Variants in LTBP1 observed in about 807,000 individuals in gnomAD.
LTBP1 encodes the protein latent-transforming growth factor beta-binding protein 1.
Under a neutral mutation model 207.6 loss-of-function variants are expected in LTBP1, and 129 were observed. The ratio of observed to expected loss-of-function variants is 0.62; its 90% CI spans 0.54 to 0.72. The LOEUF (loss-of-function observed/expected upper bound fraction) is 0.72, where lower values mean the gene tolerates loss of function less well. LTBP1 is among the 30% of genes least tolerant of loss of function. The probability of loss-of-function intolerance (pLI) is 0.00; values close to 1 mark genes in which losing one functional copy is unlikely to be tolerated. For synonymous variants in LTBP1, 963 were observed against 833.7 expected (o/e 1.16, Z -2.67); for missense variants, 2,281 against 2,217.2 (o/e 1.03, Z -0.58).
chr2:33,234,892 A>C lies in LTBP1; in HGVS notation c.1877-8770A>C, dbSNP rs181632693. On this transcript the variant is annotated intron_variant, in intron 9 of 33. Transcript: ENST00000404816. ...ACCCCTTCCTCACACATTATACAAA[A>C]ATTAACTCAAGATGGATGAAAGACT... Among the ~76,000 whole-genome samples, 7 of 152,302 alleles carry C rather than the reference A, an allele frequency of 4.6e-5. No homozygotes were observed. In the East Asian group the frequency reaches 1.3e-3, roughly 29 times the overall value.
chr2:33,338,495 A>T (rs1031672942), intron 24 of LTBP1, among the ~76,000 whole-genome samples: 1 of 152,164 alleles, frequency 6.6e-6, no homozygotes, highest in African/African-American at 2.4e-5. Context: ...TTTAGTAGGG[A>T]AATAAGTTGC....
At chr2:33,024,461 G>A (rs2075320284) in intron 3 of LTBP1, among the ~76,000 whole-genome samples, 2 of 152,164 alleles carry the variant, frequency 1.3e-5, no homozygotes, top group African/African-American at 4.8e-5. Flanking sequence ...TGCCTGAGAT[G>A]TTTGAGGAAC....
intron 3 of LTBP1, among the ~76,000 whole-genome samples, chr2:33,054,239 A>G (rs1256215195): frequency 6.6e-6 from 1 of 152,198 alleles, no homozygotes; most frequent in East Asian, 1.9e-4. Context: ...TTGTACTCCT[A>G]GAATTGGGGT....
chr2:33,348,346 C>T (rs914309551), intron 26 of LTBP1, among the ~76,000 whole-genome samples: 1 of 152,166 alleles, frequency 6.6e-6, no homozygotes, highest in Non-Finnish European at 1.5e-5. Context: ...TTTTCACCCA[C>T]ACATATTTCC....
chr2:33,015,775 C>G (rs1409017978), intron 2 of LTBP1, among the ~76,000 whole-genome samples: 1 of 152,100 alleles, frequency 6.6e-6, no homozygotes, highest in African/African-American at 2.4e-5. Context: ...TCTGGGGAGG[C>G]CTCGGGAAAC....
chr2:32,965,467 G>A (rs542450919), intron 2 of LTBP1, among the ~76,000 whole-genome samples: 1 of 152,206 alleles, frequency 6.6e-6, no homozygotes, highest in South Asian at 2.1e-4. Context: ...AATCCTCTGT[G>A]CCCTGCCTAC....
intron 23 of LTBP1, among the ~76,000 whole-genome samples, chr2:33,310,156 C>G (rs2094162583): frequency 6.6e-6 from 1 of 152,094 alleles, no homozygotes; most frequent in Non-Finnish European, 1.5e-5. Context: ...ACCACCTTGG[C>G]CAGGCTGGTG....
At chr2:32,951,193 C>T (rs917214811) in intron 2 of LTBP1, among the ~76,000 whole-genome samples, 2 of 152,214 alleles carry the variant, frequency 1.3e-5, no homozygotes, top group Non-Finnish European at 2.9e-5. Flanking sequence ...TGGACAGTAC[C>T]AGCATCTAAG....
chr2:33,018,017 A>C (rs191942975), intron 2 of LTBP1, among the ~76,000 whole-genome samples: 8 of 152,294 alleles, frequency 5.3e-5, no homozygotes, highest in Admixed American at 4.6e-4. Flanking sequence ...GGTAGGTAGA[A>C]GAGAAAATTG....
chr2:33,248,265 A>G (rs1558881227), intron 10 of LTBP1, among the ~76,000 whole-genome samples: 1 of 152,216 alleles, frequency 6.6e-6, no homozygotes, highest in Non-Finnish European at 1.5e-5. Flanking sequence ...ATTATCCCAT[A>G]TAATACTTAC....
chr2:33,394,916 G>T (rs1329524497), intron 32 of LTBP1, among the ~76,000 whole-genome samples: 2 of 152,146 alleles, frequency 1.3e-5, no homozygotes, highest in African/African-American at 4.8e-5. Context: ...GAGAACATGT[G>T]GTATTTGGTA....
intron 2 of LTBP1, among the ~76,000 whole-genome samples, chr2:33,007,758 AT>A (rs1186521557): frequency 1.3e-5 from 2 of 152,248 alleles, no homozygotes; most frequent in African/African-American, 4.8e-5. Flanking sequence ...AATTTGGTGC[AT>A]AGGATAATAA....
chr2:33,205,033 A>C (rs535232825), intron 7 of LTBP1, among the ~76,000 whole-genome samples: 19 of 152,274 alleles, frequency 1.2e-4, no homozygotes, highest in African/African-American at 4.1e-4. Flanking sequence ...CCAAACCTCT[A>C]TGATGATTTC....
At chr2:33,206,126 A>G (rs1357742944) in intron 7 of LTBP1, among the ~76,000 whole-genome samples, 2 of 152,196 alleles carry the variant, frequency 1.3e-5, no homozygotes, top group Non-Finnish European at 2.9e-5. Flanking sequence ...TTGGGGAACA[A>G]TGGATGTTTC....
At chr2:33,144,347 G>C (rs1558699083) in intron 5 of LTBP1, among the ~76,000 whole-genome samples, 1 of 152,080 alleles carries the variant, frequency 6.6e-6, no homozygotes, top group Non-Finnish European at 1.5e-5. Context: ...ATAATATCAG[G>C]CTTCAATATC....
At position 33,217,614 on chromosome 2, in the gene LTBP1, C is replaced by A. The variant is rs761327971; in HGVS notation, c.1764C>A (p.Ser588=). Residue 588 remains serine (S), a synonymous_variant, in exon 8 of 34, where the codon TCC becomes TCA. Transcript: ENST00000404816. The stretch of plus-strand genomic sequence containing the variant: ...ACTGCTGTGGAACTGTGGGTACCTC[C>A]TGGGGCTTTAACAAATGCCAGAAAT... The part of the protein sequence containing the change: ...QEDCCGTVGT[S]WGFNKCQKCP... 3.1e-6 allele frequency: 5 copies of A among 1,613,898 alleles called. No individual in the cohort carries two copies. Among genetic ancestry groups the A allele is most frequent in the Non-Finnish European group, 4.2e-6 (5 of 1,179,826 alleles).
intron 3 of LTBP1, among the ~76,000 whole-genome samples, chr2:33,058,826 G>A (rs2077131037): frequency 6.6e-6 from 1 of 152,114 alleles, no homozygotes; most frequent in Non-Finnish European, 1.5e-5. Flanking sequence ...TACTATAAAT[G>A]TCGCAGGAGA....
chr2:33,318,971 A>C (rs1362013141), intron 24 of LTBP1, among the ~76,000 whole-genome samples: 2 of 152,138 alleles, frequency 1.3e-5, no homozygotes, highest in African/African-American at 4.8e-5. Context: ...ATGGTAGCTC[A>C]TGTCTATAGT....
rs1425839180 is a variant in LTBP1, at chr2:32,947,311, C to G, written c.-14C>G. 4 of 1,228,790 alleles carry G rather than the reference C, an allele frequency of 3.3e-6. No individual in the cohort carries two copies. The highest frequency in any genetic ancestry group is 3.1e-5 in the African/African-American group (2 of 63,652). The allele number at this position is 1,228,790 out of a possible 1,614,324, so 76.1% of individuals were successfully genotyped here. ...CGGACCGCGCGCGACCGGTCGCGCC[C>G]GCTGGGGCCCGCGATGGCGGGGGCC... On this transcript the variant is annotated 5_prime_UTR_variant, in exon 1 of 34. Transcript: ENST00000404816.
Sources: allele counts gnomAD v4.1 joint callset (sites outside exome capture counted in the v4.1 genomes callset), GRCh38; gene constraint gnomAD v4.1.1; transcripts MANE v1.5; gene names NCBI Gene and HGNC (gene_info 2026-07-23, HGNC 2026-07-21).